The following B3GALT1 variants were observed in gnomAD, a reference collection of about 807,000 sequenced individuals.
B3GALT1 encodes beta-1,3-galactosyltransferase 1, also known as UDP-Gal:betaGlcNAc beta 1,3-galactosyltransferase, polypeptide 1.
In B3GALT1, 10 loss-of-function variants were observed where a neutral mutation model predicts 23.2. The observed-to-expected ratio is 0.43, with a 90% CI of 0.27 to 0.73. B3GALT1 has a LOEUF of 0.73. Among genes scored for constraint, B3GALT1 ranks in the 30% least tolerant of loss-of-function variants. B3GALT1 has a pLI of 0.21. For missense variants in B3GALT1, 299 were observed against 405.4 expected (o/e 0.74, Z 2.25); for synonymous variants, 156 against 141.5 (o/e 1.10, Z -0.73).
At chr2:167,722,328 C>T (rs1687247597) in intron 3 of B3GALT1, among the ~76,000 whole-genome samples, 1 of 152,142 alleles carries the variant, frequency 6.6e-6, no homozygotes, top group Non-Finnish European at 1.5e-5. Context: ...CAGTGAATTA[C>T]AAATTATATA....
chr2:167,662,944 T>A (rs1020049962), intron 3 of B3GALT1, among the ~76,000 whole-genome samples: 5 of 151,026 alleles, frequency 3.3e-5, no homozygotes, highest in African/African-American at 1.2e-4. Flanking sequence ...TCTTTTTTTT[T>A]ATTGTATTTT....
intron 2 of B3GALT1, among the ~76,000 whole-genome samples, chr2:167,617,857 C>G (rs1685187554): frequency 6.6e-6 from 1 of 152,088 alleles, no homozygotes; most frequent in African/African-American, 2.4e-5. Context: ...CTTTAATGCA[C>G]TGTCTCCCAT....
chr2:167,664,966 C>A lies in B3GALT1; in HGVS notation c.-352+18000C>A, dbSNP rs1372294804. Reference sequence around the variant, plus strand: ...GAATACCCTTTATTTCCTTCTCCTGCCTAATTGCCCTGGCCAGAACTTCCA... The same window carrying A: ...GAATACCCTTTATTTCCTTCTCCTGACTAATTGCCCTGGCCAGAACTTCCA... On this transcript the variant is annotated intron_variant, in intron 3 of 4. Coordinates refer to ENST00000392690, the MANE Select transcript of B3GALT1 (RefSeq NM_020981.4). Among the ~76,000 whole-genome samples, 473 of 150,844 alleles carry A rather than the reference C, an allele frequency of 3.1e-3. 1 individual carries two copies. The highest frequency in any genetic ancestry group is 4.8e-3 in the Non-Finnish European group (326 of 67,698).
chr2:167,322,083 G>T lies in B3GALT1; in HGVS notation c.-511+28749G>T, dbSNP rs535142687. On this transcript the variant is annotated intron_variant, in intron 1 of 4. Coordinates refer to ENST00000392690, the MANE Select transcript of B3GALT1 (RefSeq NM_020981.4). ...TTCTCCTCTTGTGTATTACCCATGT[G>T]AAATAAAGGCGCACTTCCTCAAAGA... Among the ~76,000 whole-genome samples the T allele has an allele frequency of 1.5e-4, 23 of 152,100 alleles. 1 individual carries two copies. Among genetic ancestry groups the T allele is most frequent in the Admixed American group, 9.8e-4 (15 of 15,274 alleles).
At chr2:167,507,138 G>A (rs1699931217) in intron 2 of B3GALT1, among the ~76,000 whole-genome samples, 1 of 152,098 alleles carries the variant, frequency 6.6e-6, no homozygotes, top group Non-Finnish European at 1.5e-5. Flanking sequence ...AAGAGAATGT[G>A]GTTCTGCCAC....
chr2:167,626,614 A>G (rs559390706), intron 2 of B3GALT1, among the ~76,000 whole-genome samples: 5 of 151,650 alleles, frequency 3.3e-5, no homozygotes, highest in African/African-American at 1.2e-4. Flanking sequence ...AAAACAGGGA[A>G]ATATATTTTT....
At chr2:167,602,880 A>T (rs1684899827) in intron 2 of B3GALT1, among the ~76,000 whole-genome samples, 1 of 152,270 alleles carries the variant, frequency 6.6e-6, no homozygotes, top group African/African-American at 2.4e-5. Flanking sequence ...CAGTTTCTGA[A>T]AACTAGGGCA....
At chr2:167,547,379 C>A (rs1454995803) in intron 2 of B3GALT1, among the ~76,000 whole-genome samples, 1 of 151,984 alleles carries the variant, frequency 6.6e-6, no homozygotes, top group Non-Finnish European at 1.5e-5. Flanking sequence ...AAATTGAAAC[C>A]CCAAGAAGTT....
intron 2 of B3GALT1, among the ~76,000 whole-genome samples, chr2:167,527,655 A>G (rs1012661830): frequency 3.3e-5 from 5 of 152,194 alleles, no homozygotes; most frequent in African/African-American, 7.2e-5. Flanking sequence ...TCCATATTGC[A>G]TGCTTTTTTC....
At chr2:167,527,486 AC>A in intron 2 of B3GALT1, among the ~76,000 whole-genome samples, 1 of 152,102 alleles carries the variant, frequency 6.6e-6, no homozygotes, top group East Asian at 1.9e-4. Context: ...ATTTGTGATT[AC>A]TTTTCTAGAC....
At position 167,790,177 on chromosome 2, in the gene B3GALT1, TC is replaced by T. The variant is rs140416219; in HGVS notation, c.-351-28493del. ...TCTCTTCACTCAGGTTGTCTGCCTC[TC>T]CTTTTACATATCTACTACCATGTCA... On this transcript the variant is annotated intron_variant, in intron 3 of 4. Coordinates refer to ENST00000392690, the MANE Select transcript of B3GALT1 (RefSeq NM_020981.4). Among the ~76,000 whole-genome samples, 700 of 152,310 alleles carry T rather than the reference TC, an allele frequency of 4.6e-3. 9 individuals carry two copies. Among genetic ancestry groups the T allele is most frequent in the African/African-American group, 0.016 (659 of 41,554 alleles).
chr2:167,475,572 A>G (rs1302839886), intron 1 of B3GALT1, among the ~76,000 whole-genome samples: 1 of 152,160 alleles, frequency 6.6e-6, no homozygotes, highest in Non-Finnish European at 1.5e-5. Context: ...TCGAACTTCA[A>G]CTACAAAAGA....
intron 1 of B3GALT1, among the ~76,000 whole-genome samples, chr2:167,471,855 A>G (rs1047582849): frequency 9.9e-5 from 15 of 152,146 alleles, no homozygotes; most frequent in African/African-American, 3.6e-4. Flanking sequence ...GTTGCTACCT[A>G]AGACAATCAG....
intron 1 of B3GALT1, among the ~76,000 whole-genome samples, chr2:167,425,753 A>G (rs1345554679): frequency 2.0e-5 from 3 of 152,220 alleles, no homozygotes; most frequent in Non-Finnish European, 4.4e-5. Flanking sequence ...ATATCAGGCT[A>G]TAATGATTTA....
At chr2:167,435,600 A>G (rs1049133058) in intron 1 of B3GALT1, among the ~76,000 whole-genome samples, 1 of 152,034 alleles carries the variant, frequency 6.6e-6, no homozygotes, top group African/African-American at 2.4e-5. Flanking sequence ...GTCTTACTCT[A>G]CCTGGGCAAA....
intron 1 of B3GALT1, among the ~76,000 whole-genome samples, chr2:167,394,003 A>T (rs368737137): frequency 6.6e-5 from 10 of 152,342 alleles, no homozygotes; most frequent in African/African-American, 2.2e-4. Context: ...CACATTGCAG[A>T]AACGTCTCAA....
In B3GALT1 at chr2:167,349,797, G is replaced by A. The variant is rs182639055; in HGVS notation, c.-511+56463G>A. Among the ~76,000 whole-genome samples, 9 of 152,152 alleles carry A rather than the reference G, an allele frequency of 5.9e-5. No individual in the cohort carries two copies. In the East Asian group the frequency reaches 1.5e-3, roughly 26 times the overall value. Reference sequence around the variant, plus strand: ...TTGGAATGTATGCCCCACAAATAACGGGGGGATTGCTGCACTTAGTATTCC... The same window carrying A: ...TTGGAATGTATGCCCCACAAATAACAGGGGGATTGCTGCACTTAGTATTCC... On this transcript the variant is annotated intron_variant, in intron 1 of 4. Transcript: ENST00000392690.
chr2:167,779,530 A>C (rs1376701419), intron 3 of B3GALT1, among the ~76,000 whole-genome samples: 1 of 152,232 alleles, frequency 6.6e-6, no homozygotes, highest in Non-Finnish European at 1.5e-5. Context: ...GCCCTGATCA[A>C]TAAATAAGCT....
intron 1 of B3GALT1, among the ~76,000 whole-genome samples, chr2:167,331,628 C>T (rs911068020): frequency 3.9e-5 from 6 of 152,110 alleles, no homozygotes; most frequent in African/African-American, 9.7e-5. Context: ...GTGGGCTGGG[C>T]TGAGTGATCC....
Sources: gnomAD v4.1 joint callset for allele counts (sites outside exome capture counted in the v4.1 genomes callset) on GRCh38, gnomAD v4.1.1 for gene constraint, MANE v1.5 for transcripts, NCBI Gene and HGNC (gene_info 2026-07-23, HGNC 2026-07-21) for gene names.